PTK2: variants seen among roughly 807,000 people sequenced by gnomAD.
PTK2 encodes the protein focal adhesion kinase 1.
A neutral mutation model predicts 150.1 loss-of-function variants in PTK2; 45 were observed. The observed-to-expected ratio is 0.30, with a 90% CI of 0.24 to 0.38. PTK2 has a LOEUF of 0.38. Ranked by LOEUF, PTK2 falls within the 10% of genes least tolerant of loss-of-function variation. The pLI is 1.00. For missense variants in PTK2, 919 were observed against 1,307.3 expected, an observed-to-expected ratio of 0.70 and a Z score of 4.58; for synonymous variants, 432 against 449.2, an observed-to-expected ratio of 0.96 and a Z score of 0.48.
chr8:140,794,734 T>G (rs760972505), intron 12 of PTK2, among the ~76,000 whole-genome samples: 5 of 152,200 alleles, frequency 3.3e-5, no homozygotes, highest in Non-Finnish European at 7.3e-5. Context: ...TGATGAAGAT[T>G]AGAGAACCCA....
intron 14 of PTK2, among the ~76,000 whole-genome samples, chr8:140,779,999 A>G (rs987915403): frequency 5.3e-5 from 8 of 152,164 alleles, no homozygotes; most frequent in African/African-American, 1.9e-4. Flanking sequence ...ATTCATACTG[A>G]TATTTTAAAA....
chr8:140,690,419 GC>G (rs2100022454), intron 26 of PTK2, among the ~76,000 whole-genome samples: 1 of 152,092 alleles, frequency 6.6e-6, no homozygotes, highest in Non-Finnish European at 1.5e-5. Context: ...ACGCCACCAC[GC>G]CCAGTTAGAG....
At chr8:140,839,923 G>A (rs2100121283) in intron 7 of PTK2, among the ~76,000 whole-genome samples, 2 of 152,122 alleles carry the variant, frequency 1.3e-5, no homozygotes, top group African/African-American at 4.8e-5. Flanking sequence ...GACCTTAAAA[G>A]AAAGAGCAAC....
intron 14 of PTK2, among the ~76,000 whole-genome samples, chr8:140,783,979 G>A (rs2100083349): frequency 1.3e-5 from 2 of 151,990 alleles, no homozygotes; most frequent in Non-Finnish European, 1.5e-5. Context: ...CCTGGCCAAC[G>A]TTGTGAAACC....
intron 31 of PTK2, chr8:140,662,557 G>C (rs1265661403): frequency 2.5e-6 from 1 of 402,066 alleles, no homozygotes; most frequent in East Asian, 3.5e-5. Flanking sequence ...AACCCCATTT[G>C]GTTGGGATGT....
intron 4 of PTK2, among the ~76,000 whole-genome samples, chr8:140,872,921 T>C (rs1465390226): frequency 6.6e-6 from 1 of 152,244 alleles, no homozygotes; most frequent in East Asian, 1.9e-4. Flanking sequence ...ACTCACAAAG[T>C]TGTGCTAGGA....
chr8:140,967,080 G>C (rs1459692343), intron 1 of PTK2, among the ~76,000 whole-genome samples: 1 of 152,078 alleles, frequency 6.6e-6, no homozygotes, highest in African/African-American at 2.4e-5. Context: ...GCCCTAACTG[G>C]TTACTATAAT....
intron 12 of PTK2, among the ~76,000 whole-genome samples, chr8:140,793,805 C>T (rs563670202): frequency 1.3e-5 from 2 of 152,330 alleles, no homozygotes; most frequent in African/African-American, 4.8e-5. Flanking sequence ...AACAATTCTA[C>T]AGGTGTGCAT....
chr8:140,951,246 T>A (rs149567977), intron 1 of PTK2, among the ~76,000 whole-genome samples: 7 of 152,264 alleles, frequency 4.6e-5, no homozygotes, highest in Non-Finnish European at 1.0e-4. Context: ...TTCCCAAATT[T>A]CTGTCTTCCA....
intron 2 of PTK2, among the ~76,000 whole-genome samples, chr8:140,912,407 C>T (rs932260911): frequency 2.0e-5 from 3 of 151,494 alleles, no homozygotes; most frequent in African/African-American, 7.3e-5. Context: ...GGCAGCAGGA[C>T]TTCTTGAGCC....
intron 5 of PTK2, among the ~76,000 whole-genome samples, chr8:140,857,626 T>C (rs767178714): frequency 2.0e-5 from 3 of 152,152 alleles, no homozygotes; most frequent in African/African-American, 4.8e-5. Flanking sequence ...AAGATCCTAG[T>C]AGAAGCCATG....
At position 140,879,462 on chromosome 8, in the gene PTK2, G is replaced by GT. The variant is rs1260086061; in HGVS notation, c.362+8dup. On this transcript the variant is annotated intron_variant, in intron 4 of 31. Coordinates refer to ENST00000522684, the Ensembl canonical transcript of PTK2. ...GTGTGCATCACACCAAAGCAGGTTT[G>GT]TATCTTACTTCCACTCCTCTGGTGG... is the stretch of plus-strand genomic sequence containing the variant. 3 of 1,596,596 alleles carry GT rather than the reference G, an allele frequency of 1.9e-6. No individual in the cohort carries two copies. The African/African-American group carries it at 4.1e-5, about 22-fold the overall frequency.
At chr8:140,950,085 G>C (rs1192759143) in intron 1 of PTK2, among the ~76,000 whole-genome samples, 1 of 1,464 alleles carries the variant, frequency 6.8e-4, no homozygotes, top group Non-Finnish European at 0.014. Context: ...GGTCTCCTGA[G>C]AGCTGTTCTG....
At chr8:140,867,831 G>C (rs978791000) in intron 4 of PTK2, among the ~76,000 whole-genome samples, 14 of 152,146 alleles carry the variant, frequency 9.2e-5, no homozygotes, top group African/African-American at 2.9e-4. Flanking sequence ...ACTTTCCTCA[G>C]TCCTTAAACT....
intron 22 of PTK2, 28 bp downstream of exon 25, chr8:140,735,223 C>T: frequency 6.2e-7 from 1 of 1,602,806 alleles, no homozygotes; most frequent in Non-Finnish European, 8.5e-7. Flanking sequence ...GCCCCCACCC[C>T]CAGGCCCTCT....
At chr8:140,738,269 G>A (rs556858081) in intron 21 of PTK2, among the ~76,000 whole-genome samples, 12 of 152,310 alleles carry the variant, frequency 7.9e-5, no homozygotes, top group African/African-American at 2.9e-4. Flanking sequence ...ACTGGAAGAA[G>A]AAGGTATCAG....
At position 140,914,807 on chromosome 8, in the gene PTK2, G is replaced by A. The variant is rs543740185; in HGVS notation, c.-33+10854C>T. ...TTCCAGCACTCTGAGAGGCCGAGGCGAGTGGATCACATGAGGTTGGAAGTT... is the reference window on the plus strand; with the variant it reads ...TTCCAGCACTCTGAGAGGCCGAGGCAAGTGGATCACATGAGGTTGGAAGTT... On this transcript the variant is annotated intron_variant, in intron 2 of 31. Transcript: ENST00000522684. 7.9e-5 allele frequency among the ~76,000 whole-genome samples: 12 copies of A among 152,030 alleles called. No homozygotes were observed. In the East Asian group the frequency reaches 9.7e-4, roughly 12 times the overall value.
chr8:140,801,985 C>A (rs1298814343), intron 11 of PTK2, among the ~76,000 whole-genome samples: 1 of 151,564 alleles, frequency 6.6e-6, no homozygotes, highest in Non-Finnish European at 1.5e-5. Flanking sequence ...AAGTATAGCA[C>A]ATACGATTAT....
intron 27 of PTK2, among the ~76,000 whole-genome samples, chr8:140,680,235 CT>C (rs1480902227): frequency 6.6e-6 from 1 of 152,054 alleles, no homozygotes; most frequent in Non-Finnish European, 1.5e-5. Flanking sequence ...CTTAGAAGTT[CT>C]TTTTTTCTAA....
Sources: allele counts gnomAD v4.1 joint callset (sites outside exome capture counted in the v4.1 genomes callset), GRCh38; gene constraint gnomAD v4.1.1; transcripts MANE v1.5; gene names NCBI Gene and HGNC (gene_info 2026-07-23, HGNC 2026-07-21).